Variants in PCDHA7 observed in about 807,000 individuals in gnomAD.
PCDHA7 encodes protocadherin alpha-7.
In PCDHA7, 37 loss-of-function variants were observed where a neutral mutation model predicts 57.2. The observed-to-expected ratio is 0.65, with a 90% CI of 0.50 to 0.85. The LOEUF is 0.85. Ranked by LOEUF, PCDHA7 falls within the 40% of genes least tolerant of loss-of-function variation. The pLI is 0.00. For synonymous variants in PCDHA7, 553 were observed against 558.8 expected (o/e 0.99, Z 0.15); for missense variants, 1,188 against 1,241.8 (o/e 0.96, Z 0.65).
At chr5:140,854,950 C>A (rs1427267019) in intron 1 of PCDHA7, among the ~76,000 whole-genome samples, 1 of 149,714 alleles carries the variant, frequency 6.7e-6, no homozygotes, top group African/African-American at 2.4e-5. Context: ...TAATAAATTT[C>A]TTAATTACTT....
intron 3 of PCDHA7, among the ~76,000 whole-genome samples, chr5:140,990,733 A>G (rs2097410113): frequency 6.6e-6 from 1 of 152,198 alleles, no homozygotes; most frequent in Admixed American, 6.5e-5. Flanking sequence ...GTATATCAAC[A>G]GCCCTAGGGT....
At chr5:140,913,619 G>A (rs188632685) in intron 1 of PCDHA7, among the ~76,000 whole-genome samples, 1 of 151,848 alleles carries the variant, frequency 6.6e-6, no homozygotes, top group Non-Finnish European at 1.5e-5. Context: ...TACTAATTTT[G>A]GATTCAGTTT....
At chr5:140,909,470 C>T (rs566835545) in intron 1 of PCDHA7, among the ~76,000 whole-genome samples, 1 of 152,320 alleles carries the variant, frequency 6.6e-6, no homozygotes, top group African/African-American at 2.4e-5. Flanking sequence ...GTCTTCTTCA[C>T]AGGCTAAATA....
intron 1 of PCDHA7, chr5:140,850,667 G>A (rs2150492921): frequency 2.5e-6 from 4 of 1,598,380 alleles, no homozygotes; most frequent in East Asian, 2.2e-5. Flanking sequence ...TGCGGTGCTC[G>A]GCGATGCCCA....
intron 1 of PCDHA7, among the ~76,000 whole-genome samples, chr5:140,837,617 C>A (rs1249058339): frequency 6.8e-6 from 1 of 146,230 alleles, no homozygotes; most frequent in Non-Finnish European, 1.5e-5. Flanking sequence ...TAATTTGCCC[C>A]TTCCTTCCTT....
chr5:140,839,977 T>C (rs1329730797), intron 1 of PCDHA7, among the ~76,000 whole-genome samples: 1 of 152,062 alleles, frequency 6.6e-6, no homozygotes, highest in Non-Finnish European at 1.5e-5. Context: ...ATGACTCCTA[T>C]TGGAAAGTGG....
intron 3 of PCDHA7, among the ~76,000 whole-genome samples, chr5:140,992,482 G>A (rs1187706188): frequency 6.6e-6 from 1 of 152,164 alleles, no homozygotes; most frequent in Non-Finnish European, 1.5e-5. Flanking sequence ...TCACCCAGAG[G>A]CCAATCTGTA....
intron 1 of PCDHA7, among the ~76,000 whole-genome samples, chr5:140,955,604 C>T (rs1431862665): frequency 7.2e-5 from 11 of 152,060 alleles, no homozygotes; most frequent in Non-Finnish European, 1.5e-4. Context: ...TATAAATTAC[C>T]CAGTCTCAGG....
intron 1 of PCDHA7, chr5:140,875,508 G>GC: frequency 6.2e-7 from 1 of 1,613,706 alleles, no homozygotes; most frequent in South Asian, 1.1e-5. Flanking sequence ...CGGGATCCCA[G>GC]CGTCTGCTGC....
intron 1 of PCDHA7, chr5:140,927,597 C>T (rs781933372): frequency 1.2e-6 from 2 of 1,614,200 alleles, no homozygotes; most frequent in South Asian, 1.1e-5. Context: ...TATTTGAGCG[C>T]TCCGTATACC....
At chr5:140,965,561 A>T (rs2095912417) in intron 1 of PCDHA7, among the ~76,000 whole-genome samples, 1 of 152,114 alleles carries the variant, frequency 6.6e-6, no homozygotes, top group Admixed American at 6.5e-5. Context: ...TTAGGAGATC[A>T]ACAGTAACGC....
intron 1 of PCDHA7, among the ~76,000 whole-genome samples, chr5:140,915,245 C>T (rs1366061257): frequency 2.0e-5 from 3 of 152,088 alleles, no homozygotes; most frequent in Non-Finnish European, 4.4e-5. Flanking sequence ...CCATGCCTGG[C>T]CAGGTTGTTA....
intron 1 of PCDHA7, among the ~76,000 whole-genome samples, chr5:140,926,036 C>A (rs2082873940): frequency 6.6e-6 from 1 of 152,168 alleles, no homozygotes; most frequent in South Asian, 2.1e-4. Context: ...TTGATGCGGA[C>A]ACTATTCCCC....
Position 140,993,501 on chromosome 5 carries a change from C to T in PCDHA7, c.2503+10938C>T, listed in dbSNP as rs560043353. Among the ~76,000 whole-genome samples, 25 of 149,100 alleles carry T rather than the reference C, an allele frequency of 1.7e-4. No homozygotes were observed. The East Asian group carries it at 3.5e-3, about 21-fold the overall frequency. ...ACACACACACACACACACACACACA[C>T]ACACACACGGGGAGAGAGAGACAGA... On this transcript the variant is annotated intron_variant, in intron 3 of 3. Transcript: ENST00000525929.
At chr5:140,841,119 T>G (rs572378133) in intron 1 of PCDHA7, 1 of 628,942 alleles carries the variant, frequency 1.6e-6, no homozygotes, top group East Asian at 2.8e-5. Flanking sequence ...ATTCATGTAA[T>G]CATTACCTTT....
chr5:140,882,660 C>G lies in PCDHA7; in HGVS notation c.2355+45922C>G, dbSNP rs147326638. Reference sequence around the variant, plus strand: ...GTGAGGGACATTAACGACAACCCGCCCATATTCCCTGAAAGCAAGAAACGA... The same window carrying G: ...GTGAGGGACATTAACGACAACCCGCGCATATTCCCTGAAAGCAAGAAACGA... On this transcript the variant is annotated intron_variant, in intron 1 of 3. Coordinates refer to ENST00000525929, the MANE Select transcript of PCDHA7 (RefSeq NM_018910.3). 14 of 1,614,090 alleles carry G rather than the reference C, an allele frequency of 8.7e-6. No individual in the cohort carries two copies. Among genetic ancestry groups the G allele is most frequent in the African/African-American group, 1.3e-5 (1 of 74,928 alleles).
chr5:140,855,223 T>G lies in PCDHA7; in HGVS notation c.2355+18485T>G, dbSNP rs79371036. 4.7e-3 allele frequency among the ~76,000 whole-genome samples: 698 copies of G among 149,962 alleles called. 54 individuals are homozygous for G. Among genetic ancestry groups the G allele is most frequent in the Non-Finnish European group, 8.3e-3 (557 of 67,056 alleles). ...ATAGTTTCCATTTATGAAGCACTCATTCTCCTTAAGGTACTATTGCAAGCA... is the reference window on the plus strand; with the variant it reads ...ATAGTTTCCATTTATGAAGCACTCAGTCTCCTTAAGGTACTATTGCAAGCA... On this transcript the variant is annotated intron_variant, in intron 1 of 3. Coordinates refer to ENST00000525929, the MANE Select transcript of PCDHA7 (RefSeq NM_018910.3).
chr5:140,998,158 T>C (rs1306702034), intron 3 of PCDHA7, among the ~76,000 whole-genome samples: 1 of 152,232 alleles, frequency 6.6e-6, no homozygotes, highest in Non-Finnish European at 1.5e-5. Context: ...AGTTAAGCCA[T>C]GTGCCAAGTA....
rs1205531440 is a variant in PCDHA7, at chr5:140,868,945, T to C, written c.2355+32207T>C. On this transcript the variant is annotated intron_variant, in intron 1 of 3. Transcript: ENST00000525929. ...TTCATTTAAAGGTTGGTCTGAACAG[T>C]GAGGCACTCCCATACAAAGGAACTC... 5 of 1,284,792 alleles carry C rather than the reference T, an allele frequency of 3.9e-6. No individual in the cohort carries two copies. The Admixed American group carries it at 1.1e-4, about 28-fold the overall frequency. The allele number at this position is 1,284,792 out of a possible 1,614,324, so 79.6% of individuals were successfully genotyped here. A position where few individuals can be genotyped will look rare whatever the true frequency, so the allele number is the denominator to read the frequency against.
Sources: allele counts gnomAD v4.1 joint callset (sites outside exome capture counted in the v4.1 genomes callset), GRCh38; gene constraint gnomAD v4.1.1; transcripts MANE v1.5; gene names NCBI Gene and HGNC (gene_info 2026-07-23, HGNC 2026-07-21).